The following KIF13A variants were observed in gnomAD, a reference collection of about 807,000 sequenced individuals.
KIF13A encodes kinesin-like protein KIF13A.
In KIF13A, 79 loss-of-function variants were observed where a neutral mutation model predicts 212.2. The observed-to-expected ratio is 0.37, with a 90% CI of 0.31 to 0.45. The LOEUF is 0.45. KIF13A is among the 20% of genes least tolerant of loss of function. The probability of loss-of-function intolerance (pLI) is 1.00; values close to 1 mark genes in which losing one functional copy is unlikely to be tolerated. For missense variants in KIF13A, 1,901 were observed against 2,209.0 expected (o/e 0.86, Z 2.79); for synonymous variants, 789 against 808.6 (o/e 0.98, Z 0.41).
chr6:17,968,750 A>G lies in KIF13A; in HGVS notation c.146+18304T>C, dbSNP rs1194453777. On this transcript the variant is annotated intron_variant, in intron 2 of 38. Transcript: ENST00000259711. This position sits in a 1 kb window ranked among gnomAD's most constrained non-coding sequence, Gnocchi z 4.7. ...GTAGCAGCCAAAGCTGTAAGGGTCC[A>G]GAGCTACATTTGTACTGCCATTACC... Among the ~76,000 whole-genome samples the G allele has an allele frequency of 6.6e-6, 1 of 152,218 alleles. No homozygotes were observed. Among genetic ancestry groups the G allele is most frequent in the Non-Finnish European group, 1.5e-5 (1 of 68,024 alleles).
In KIF13A at chr6:17,817,086, C is replaced by A; in HGVS notation, c.1934G>T (p.Gly645Val). 1 of 1,613,812 alleles carries A rather than the reference C, an allele frequency of 6.2e-7. No individual in the cohort carries two copies. Among genetic ancestry groups the A allele is most frequent in the South Asian group, 1.1e-5 (1 of 91,086 alleles). ...GCTGCTGTAGGCCAGGCGGTCAGGG[C>A]CGCTACTCTGTGGCTGCCTGTCGGG... Reference protein sequence around the residue: ...LSPDRQPQSSGPDRLAYSSQT... With the variant: ...LSPDRQPQSSVPDRLAYSSQT... Residue 645 changes from glycine (G) to valine (V), a missense_variant, in exon 17 of 39, where the codon GGC (glycine) becomes GTC (valine). By Grantham distance (109) the Gly-to-Val change is moderately radical. This residue lies in a region of KIF13A where 534 missense variants were observed against 536.9 expected (regional missense o/e 0.99). Coordinates refer to ENST00000259711, the MANE Select transcript of KIF13A (RefSeq NM_022113.6).
At chr6:17,836,475 T>C (rs1765961508) in intron 11 of KIF13A, among the ~76,000 whole-genome samples, 2 of 152,214 alleles carry the variant, frequency 1.3e-5, no homozygotes, top group African/African-American at 4.8e-5. Flanking sequence ...GTATTACTCA[T>C]GTTGGTCCTC....
intron 2 of KIF13A, among the ~76,000 whole-genome samples, chr6:17,939,868 G>A (rs7754348): frequency 0.71 from 107,818 of 151,518 alleles, 39,072 homozygotes; most frequent in South Asian, 0.83. Context: ...GTGAAACCCC[G>A]TCTCTACTAA....
intron 4 of KIF13A, among the ~76,000 whole-genome samples, chr6:17,868,146 A>C (rs1276903653): frequency 6.6e-6 from 1 of 152,264 alleles, no homozygotes; most frequent in African/African-American, 2.4e-5. Flanking sequence ...CTGAGTCAAC[A>C]GTTTAGAATC....
At position 17,789,830 on chromosome 6, in the gene KIF13A, T is replaced by C; in HGVS notation, c.3261+42A>G. The C allele has an allele frequency of 6.4e-7, 1 of 1,567,668 alleles. No individual in the cohort carries two copies. Among genetic ancestry groups the C allele is most frequent in the Non-Finnish European group, 8.8e-7 (1 of 1,140,436 alleles). ...CTTTGCGAATGCTGGCAATTAGCAG[T>C]AGCTGTGCCCCATGCCACAGGATTG... is the stretch of plus-strand genomic sequence containing the variant. On this transcript the variant is annotated intron_variant, in intron 26 of 38. Coordinates refer to ENST00000259711, the MANE Select transcript of KIF13A (RefSeq NM_022113.6). This position sits in a 1 kb window ranked among gnomAD's most constrained non-coding sequence, Gnocchi z 4.8.
chr6:17,911,321 G>A (rs1774043755), intron 2 of KIF13A, among the ~76,000 whole-genome samples: 1 of 152,204 alleles, frequency 6.6e-6, no homozygotes, highest in Non-Finnish European at 1.5e-5. Context: ...CCCTTCGGGT[G>A]TGCATCAAAT....
chr6:17,843,647 G>A lies in KIF13A; in HGVS notation c.830+5730C>T, dbSNP rs1367884653. 1.3e-5 allele frequency among the ~76,000 whole-genome samples: 2 copies of A among 152,182 alleles called. No individual in the cohort carries two copies. Among genetic ancestry groups the A allele is most frequent in the Non-Finnish European group, 2.9e-5 (2 of 68,048 alleles). On this transcript the variant is annotated intron_variant, in intron 9 of 38. Transcript: ENST00000259711. The surrounding 1 kb of genome is among the most constrained non-coding windows in gnomAD (Gnocchi z 5.3). ...GAGCTGTGTGCATTTCTGAGGTGCTGTACCAGCCTCTGGACTTCCTGTTAA... is the reference window on the plus strand; with the variant it reads ...GAGCTGTGTGCATTTCTGAGGTGCTATACCAGCCTCTGGACTTCCTGTTAA...
chr6:17,962,983 C>A (rs553484523), intron 2 of KIF13A, among the ~76,000 whole-genome samples: 1 of 152,230 alleles, frequency 6.6e-6, no homozygotes, highest in Non-Finnish European at 1.5e-5. Flanking sequence ...CCCTCCCCCA[C>A]TACACTGTAA....
At chr6:17,840,985 A>T (rs981576722) in intron 9 of KIF13A, among the ~76,000 whole-genome samples, 1 of 152,158 alleles carries the variant, frequency 6.6e-6, no homozygotes, top group Non-Finnish European at 1.5e-5. Context: ...CTTCTGTGTC[A>T]CAAACTTCTC....
Position 17,836,987 on chromosome 6 carries a change from G to C in KIF13A, c.1046C>G (p.Ala349Gly). The change falls in exon 11 of 39, where the codon GCC (alanine) becomes GGC (glycine). Residue 349 changes from alanine (A) to glycine (G), a missense_variant. Transcript: ENST00000259711. ...TLSTLRYADR[A>G]KRIVNHAVVN... is the part of the protein sequence containing the mutation. ...AACAGCATGGTTCACAATCCTTTTG[G>C]CTCGGTCTGCATATCTTAATGTGGA... 1 of 1,613,822 alleles carries C rather than the reference G, an allele frequency of 6.2e-7. No homozygotes were observed. The highest frequency in any genetic ancestry group is 8.5e-7 in the Non-Finnish European group (1 of 1,179,852).
intron 25 of KIF13A, among the ~76,000 whole-genome samples, chr6:17,792,274 T>C (rs1761653586): frequency 6.6e-6 from 1 of 151,606 alleles, no homozygotes; most frequent in African/African-American, 2.4e-5. Flanking sequence ...AGTTAGTTGA[T>C]GACCCATATA....
rs543662001 is a variant in KIF13A at position 17,772,324 on chromosome 6, G to A, written c.4325-265C>T. Among the ~76,000 whole-genome samples, 6 of 152,224 alleles carry A rather than the reference G, an allele frequency of 3.9e-5. No homozygotes were observed. The highest frequency in any genetic ancestry group is 2.1e-4 in the South Asian group (1 of 4,828). On this transcript the variant is annotated intron_variant, in intron 36 of 38. Transcript: ENST00000259711. This position sits in a 1 kb window ranked among gnomAD's most constrained non-coding sequence, Gnocchi z 4.8. ...CTCAGGAGGCTGAGGCGAGAAGATC[G>A]CTTGAGCCCCAGGGGTTGAGGCTGC...
chr6:17,935,542 T>G (rs975426928), intron 2 of KIF13A, among the ~76,000 whole-genome samples: 7 of 152,194 alleles, frequency 4.6e-5, no homozygotes. Flanking sequence ...GACTCTAACA[T>G]GTAGCCAGTG....
chr6:17,959,684 A>G (rs868607996), intron 2 of KIF13A, among the ~76,000 whole-genome samples: 42 of 152,238 alleles, frequency 2.8e-4, no homozygotes, highest in African/African-American at 9.9e-4. Flanking sequence ...CAAAATAAAC[A>G]TGAAAGTCAG....
intron 9 of KIF13A, among the ~76,000 whole-genome samples, chr6:17,840,488 T>A (rs953883296): frequency 3.3e-5 from 5 of 152,200 alleles, no homozygotes; most frequent in Admixed American, 2.6e-4. Context: ...ATTATTTTAA[T>A]TCACACAAGC....
intron 2 of KIF13A, among the ~76,000 whole-genome samples, chr6:17,904,908 A>G (rs2206144): frequency 0.74 from 112,956 of 152,134 alleles, 42,370 homozygotes; most frequent in South Asian, 0.84. Context: ...ACAGTTAAAT[A>G]GCATTTGCCT....
chr6:17,761,495 T>C (rs1443688241), downstream of KIF13A, among the ~76,000 whole-genome samples: 2 of 152,116 alleles, frequency 1.3e-5, no homozygotes, highest in African/African-American at 4.8e-5. Context: ...GCGATTCTCC[T>C]GCCTCAGCCT....
At chr6:17,806,153 G>A (rs974600393) in intron 18 of KIF13A, among the ~76,000 whole-genome samples, 7 of 151,782 alleles carry the variant, frequency 4.6e-5, no homozygotes, top group African/African-American at 7.3e-5. Context: ...GGCTGGTCTC[G>A]AACTCCTGTA....
Position 17,934,787 on chromosome 6 carries a change from CAA to C in KIF13A, c.147-36609_147-36608del, listed in dbSNP as rs11301845. 1.4e-3 allele frequency among the ~76,000 whole-genome samples: 200 copies of C among 140,130 alleles called. No homozygotes were observed. Among genetic ancestry groups the C allele is most frequent in the South Asian group, 2.5e-3 (11 of 4,398 alleles). 91.9% of individuals were successfully genotyped at this position (140,130 alleles called of 152,430 possible). On this transcript the variant is annotated intron_variant, in intron 2 of 38. Coordinates refer to ENST00000259711, the MANE Select transcript of KIF13A (RefSeq NM_022113.6). The surrounding 1 kb of genome is among the most constrained non-coding windows in gnomAD (Gnocchi z 5.4). ...GGGCAACCAAGCAATACCCTGTCTC[CAA>C]AAAAAAAAAAAAGACACTTAAAAAT...
Sources: gnomAD v4.1 joint callset for allele counts (sites outside exome capture counted in the v4.1 genomes callset) on GRCh38, gnomAD v4.1.1 for gene constraint, gnomAD v4.1.1 regional missense constraint, Gnocchi (gnomAD v3.1) non-coding constraint, MANE v1.5 for transcripts, NCBI Gene and HGNC (gene_info 2026-07-23, HGNC 2026-07-21) for gene names.